TAFA4: variants seen among roughly 807,000 people sequenced by gnomAD.
TAFA4 encodes chemokine-like protein TAFA-4.
In TAFA4, 20 loss-of-function variants were observed where a neutral mutation model predicts 21.1. The ratio of observed to expected loss-of-function variants is 0.95; its 90% CI spans 0.67 to 1.38. TAFA4 has a LOEUF of 1.38. TAFA4 is among the 40% of genes most tolerant of loss of function. The probability of loss-of-function intolerance (pLI) is 0.00; values close to 1 mark genes in which losing one functional copy is unlikely to be tolerated. For synonymous variants in TAFA4, 71 were observed against 67.4 expected, an observed-to-expected ratio of 1.05 and a Z score of -0.26; for missense variants, 211 against 180.9, an observed-to-expected ratio of 1.17 and a Z score of -0.95.
At chr3:68,856,356 T>G (rs887639648) in intron 3 of TAFA4, among the ~76,000 whole-genome samples, 2 of 152,196 alleles carry the variant, frequency 1.3e-5, no homozygotes, top group East Asian at 3.9e-4. Flanking sequence ...AAAGTAGGCA[T>G]GCCATTCTGA....
Position 68,797,876 on chromosome 3 carries a change from C to T in TAFA4, c.131-44858G>A, listed in dbSNP as rs573026075. Among the ~76,000 whole-genome samples, 43 of 152,126 alleles carry T rather than the reference C, an allele frequency of 2.8e-4. 1 individual carries two copies. The highest frequency in any genetic ancestry group is 7.2e-4 in the African/African-American group (30 of 41,510). On this transcript the variant is annotated intron_variant, in intron 3 of 5. Coordinates refer to ENST00000295569, the MANE Select transcript of TAFA4 (RefSeq NM_182522.5). ...ATGAAGAGCACTCCATGGATGGATC[C>T]GTAGCACAGCGATGTGAGTATACAT...
intron 3 of TAFA4, among the ~76,000 whole-genome samples, chr3:68,790,421 A>C (rs1279923140): frequency 1.3e-5 from 2 of 152,242 alleles, no homozygotes; most frequent in African/African-American, 4.8e-5. Flanking sequence ...GGTAAACCTA[A>C]GTCAAAATAT....
At chr3:68,873,728 A>G (rs2089515619) in intron 3 of TAFA4, among the ~76,000 whole-genome samples, 1 of 152,116 alleles carries the variant, frequency 6.6e-6, no homozygotes, top group African/African-American at 2.4e-5. Context: ...CAAGCCTCCC[A>G]CTATTTCTTG....
chr3:68,788,920 A>G (rs1575609057), intron 3 of TAFA4, among the ~76,000 whole-genome samples: 1 of 152,082 alleles, frequency 6.6e-6, no homozygotes, highest in South Asian at 2.1e-4. Context: ...GAGCCATCAC[A>G]CCCAGCCATG....
intron 3 of TAFA4, among the ~76,000 whole-genome samples, chr3:68,777,487 A>T (rs536389989): frequency 6.6e-6 from 1 of 152,254 alleles, no homozygotes; most frequent in Admixed American, 6.5e-5. Context: ...ACTGTAAATT[A>T]ATTAAAAATT....
chr3:68,925,925 C>A (rs1407390819), intron 1 of TAFA4, among the ~76,000 whole-genome samples: 1 of 152,094 alleles, frequency 6.6e-6, no homozygotes, highest in Non-Finnish European at 1.5e-5. Flanking sequence ...TGTATGAACC[C>A]CGTTATTCAA....
intron 1 of TAFA4, among the ~76,000 whole-genome samples, chr3:68,898,490 C>T (rs12490398): frequency 0.2 from 30,722 of 151,988 alleles, 3,734 homozygotes; most frequent in East Asian, 0.5. Flanking sequence ...CTACTAAAAA[C>T]ACAAAATTAG....
intron 3 of TAFA4, among the ~76,000 whole-genome samples, chr3:68,813,620 A>G (rs888481559): frequency 6.6e-6 from 1 of 152,238 alleles, no homozygotes; most frequent in Non-Finnish European, 1.5e-5. Flanking sequence ...AACCAGGAAG[A>G]AGTTGAATGT....
intron 3 of TAFA4, among the ~76,000 whole-genome samples, chr3:68,798,276 T>C (rs1703495815): frequency 6.6e-6 from 1 of 152,208 alleles, no homozygotes; most frequent in South Asian, 2.1e-4. Flanking sequence ...TGAAAAATAT[T>C]CACCCAATTT....
chr3:68,752,907 C>A lies in TAFA4; in HGVS notation c.242G>T (p.Gly81Val). Residue 81 changes from glycine to valine, a missense_variant, in exon 4 of 6, where the codon GGA (glycine) becomes GTA (valine). Physicochemically the swap from Gly to Val is moderately radical, Grantham distance 109. Coordinates refer to ENST00000295569, the MANE Select transcript of TAFA4 (RefSeq NM_182522.5). ...AGCCCGAGTTGTGCCCGCCACCTGT[C>A]CCGGGAAGCAAGAGCACTTGACCGT... ...SQTVKCSCFPGQVAGTTRAQP... is the reference protein window; with the variant it reads ...SQTVKCSCFPVQVAGTTRAQP... 6.2e-7 allele frequency: 1 copy of A among 1,614,070 alleles called. No individual in the cohort carries two copies. The highest frequency in any genetic ancestry group is 8.5e-7 in the Non-Finnish European group (1 of 1,180,024).
At chr3:68,889,301 G>A (rs553503199) in intron 1 of TAFA4, among the ~76,000 whole-genome samples, 181 of 152,172 alleles carry the variant, frequency 1.2e-3, no homozygotes, top group African/African-American at 3.8e-3. Flanking sequence ...TATGTCTCCC[G>A]GTACCAAGAA....
intron 1 of TAFA4, among the ~76,000 whole-genome samples, chr3:68,904,116 A>G (rs945622202): frequency 6.6e-6 from 1 of 152,288 alleles, no homozygotes; most frequent in African/African-American, 2.4e-5. Context: ...CATCGTTTCA[A>G]GTGCCTCTTG....
At chr3:68,910,373 A>C (rs1480236902) in intron 1 of TAFA4, among the ~76,000 whole-genome samples, 1 of 152,218 alleles carries the variant, frequency 6.6e-6, no homozygotes, top group African/African-American at 2.4e-5. Flanking sequence ...GGCAACTAAT[A>C]GTACAGTGGA....
At chr3:68,839,316 G>A (rs535501857) in intron 3 of TAFA4, among the ~76,000 whole-genome samples, 6 of 152,254 alleles carry the variant, frequency 3.9e-5, no homozygotes, top group South Asian at 4.1e-4. Flanking sequence ...GTGAGTAAAC[G>A]AGCACTCTGG....
intron 3 of TAFA4, among the ~76,000 whole-genome samples, chr3:68,799,202 A>G (rs1703519958): frequency 1.3e-5 from 2 of 152,314 alleles, no homozygotes; most frequent in South Asian, 2.1e-4. Flanking sequence ...CTGTAACAAT[A>G]TATCATAATT....
At position 68,764,908 on chromosome 3, in the gene TAFA4, C is replaced by T. The variant is rs73106739; in HGVS notation, c.131-11890G>A. ...TTGACAAGCAGGGCACTGACACTGC[C>T]CTTCACTGACATCCTCCCTCTACCC... On this transcript the variant is annotated intron_variant, in intron 3 of 5. Transcript: ENST00000295569. Among the ~76,000 whole-genome samples, 573 of 152,232 alleles carry T rather than the reference C, an allele frequency of 3.8e-3. 2 individuals carry two copies. Among genetic ancestry groups the T allele is most frequent in the Admixed American group, 6.9e-3 (106 of 15,282 alleles).
chr3:68,812,393 A>C (rs2106847001), intron 3 of TAFA4, among the ~76,000 whole-genome samples: 1 of 152,360 alleles, frequency 6.6e-6, no homozygotes, highest in African/African-American at 2.4e-5. Context: ...TTGGATCAAG[A>C]GTCAAGACCC....
rs114608064 is a variant in TAFA4, at chr3:68,891,576, A to C, written c.-122-6266T>G. 6.4e-3 allele frequency among the ~76,000 whole-genome samples: 978 copies of C among 152,322 alleles called. 11 individuals are homozygous for C. The highest frequency in any genetic ancestry group is 0.022 in the African/African-American group (926 of 41,562). ...AATAATTTTTTCAGCTAATGATGTA[A>C]GAGGTGACACCCTAAAGCGTTTAGA... On this transcript the variant is annotated intron_variant, in intron 1 of 5. Coordinates refer to ENST00000295569, the MANE Select transcript of TAFA4 (RefSeq NM_182522.5).
At chr3:68,798,490 C>G (rs549475088) in intron 3 of TAFA4, among the ~76,000 whole-genome samples, 47 of 152,222 alleles carry the variant, frequency 3.1e-4, no homozygotes, top group African/African-American at 1.1e-3. Context: ...GGAATCTGGA[C>G]TTAATTTTTA....
Sources: gnomAD v4.1 joint callset for allele counts (sites outside exome capture counted in the v4.1 genomes callset) on GRCh38, gnomAD v4.1.1 for gene constraint, MANE v1.5 for transcripts, NCBI Gene and HGNC (gene_info 2026-07-23, HGNC 2026-07-21) for gene names.